CTNNA3: variants seen among roughly 807,000 people sequenced by gnomAD.
The protein encoded by CTNNA3 is catenin alpha 3.
In CTNNA3, 76 loss-of-function variants were observed where a neutral mutation model predicts 95.7. The ratio of observed to expected loss-of-function variants is 0.79; its 90% CI spans 0.66 to 0.96. The LOEUF (loss-of-function observed/expected upper bound fraction) is 0.96, where lower values mean the gene tolerates loss of function less well. Ranked by LOEUF, CTNNA3 falls within the 40% of genes least tolerant of loss-of-function variation. The probability of loss-of-function intolerance (pLI) is 0.00; values close to 1 mark genes in which losing one functional copy is unlikely to be tolerated. For synonymous variants in CTNNA3, 431 were observed against 374.4 expected (o/e 1.15, Z -1.74); for missense variants, 1,191 against 1,089.8 (o/e 1.09, Z -1.31).
chr10:66,597,507 C>CATACATAT (rs1323397077), intron 10 of CTNNA3, among the ~76,000 whole-genome samples: 1 of 79,616 alleles, frequency 1.3e-5, no homozygotes, highest in Non-Finnish European at 2.4e-5. Flanking sequence ...CATTTTATTT[C>CATACATAT]ATACATATAT....
intron 15 of CTNNA3, among the ~76,000 whole-genome samples, chr10:66,011,527 C>T (rs949958898): frequency 7.9e-5 from 12 of 152,010 alleles, no homozygotes; most frequent in African/African-American, 2.9e-4. Flanking sequence ...ACATATATTG[C>T]ATTTTTTATA....
chr10:66,605,470 A>C (rs892232690), intron 10 of CTNNA3, among the ~76,000 whole-genome samples: 3 of 152,098 alleles, frequency 2.0e-5, no homozygotes, highest in African/African-American at 7.2e-5. Flanking sequence ...CCCCAGTAAG[A>C]TACTTCACAA....
intron 13 of CTNNA3, among the ~76,000 whole-genome samples, chr10:66,140,771 A>T (rs1394823732): frequency 6.6e-6 from 1 of 152,240 alleles, no homozygotes; most frequent in Non-Finnish European, 1.5e-5. Context: ...ACAATTTGTT[A>T]TAACAGAAGT....
intron 11 of CTNNA3, among the ~76,000 whole-genome samples, chr10:66,392,646 A>G (rs1444471302): frequency 2.0e-5 from 3 of 152,126 alleles, no homozygotes; most frequent in African/African-American, 7.2e-5. Flanking sequence ...CATGGTCAAC[A>G]TTGTTTATCA....
At chr10:67,031,193 A>G (rs1035205297) in intron 7 of CTNNA3, among the ~76,000 whole-genome samples, 1 of 152,216 alleles carries the variant, frequency 6.6e-6, no homozygotes, top group African/African-American at 2.4e-5. Context: ...TCTGATTTAT[A>G]TAAATTGATA....
intron 3 of CTNNA3, among the ~76,000 whole-genome samples, chr10:67,544,049 G>T (rs12260460): frequency 0.036 from 5,490 of 152,216 alleles, 112 homozygotes; most frequent in South Asian, 0.1. Flanking sequence ...CAGGTGGAAG[G>T]GCAGCAAAGC....
chr10:66,329,076 G>A (rs1001802752), intron 12 of CTNNA3, among the ~76,000 whole-genome samples: 12 of 150,530 alleles, frequency 8.0e-5, no homozygotes, highest in Non-Finnish European at 4.4e-5. Flanking sequence ...TCAGCCTCTC[G>A]AGTAGCTGGG....
intron 5 of CTNNA3, among the ~76,000 whole-genome samples, chr10:67,263,608 T>C (rs371002083): frequency 1.1e-3 from 160 of 152,308 alleles, no homozygotes; most frequent in African/African-American, 3.5e-3. Flanking sequence ...CCAGCCTCCC[T>C]GCTTCATCTT....
chr10:67,133,306 GAT>G (rs56800232), intron 7 of CTNNA3, among the ~76,000 whole-genome samples: 2,202 of 97,594 alleles, frequency 0.023, 181 homozygotes, highest in African/African-American at 0.077. Flanking sequence ...CATATTGCCT[GAT>G]ATATATATAT....
intron 7 of CTNNA3, among the ~76,000 whole-genome samples, chr10:67,075,448 C>T (rs1394092293): frequency 6.6e-6 from 1 of 151,966 alleles, no homozygotes; most frequent in African/African-American, 2.4e-5. Context: ...GGTCTGGGCA[C>T]AAGTAGGACA....
chr10:67,513,005 A>T (rs1839689671), intron 5 of CTNNA3, among the ~76,000 whole-genome samples: 1 of 152,198 alleles, frequency 6.6e-6, no homozygotes, highest in South Asian at 2.1e-4. Flanking sequence ...ATAAATATTT[A>T]AAAATTTAAC....
chr10:66,974,215 T>C (rs766362499), intron 7 of CTNNA3, among the ~76,000 whole-genome samples: 2 of 152,176 alleles, frequency 1.3e-5, no homozygotes, highest in Non-Finnish European at 2.9e-5. Flanking sequence ...CTTGCTTTCT[T>C]TTGCTCATTA....
At chr10:67,140,498 TTAAAA>T (rs1860507299) in intron 7 of CTNNA3, among the ~76,000 whole-genome samples, 1 of 152,092 alleles carries the variant, frequency 6.6e-6, no homozygotes, top group Non-Finnish European at 1.5e-5. Flanking sequence ...TGACTGAAAT[TTAAAA>T]TAATTTTTTT....
intron 7 of CTNNA3, among the ~76,000 whole-genome samples, chr10:66,802,264 A>T (rs1841459805): frequency 6.6e-6 from 1 of 151,850 alleles, no homozygotes; most frequent in South Asian, 2.1e-4. Context: ...GCATGACACA[A>T]ATTGAGAAAT....
At chr10:67,464,864 G>GA (rs796084894) in intron 5 of CTNNA3, among the ~76,000 whole-genome samples, 13,091 of 135,418 alleles carry the variant, frequency 0.097, 1,289 homozygotes, top group East Asian at 0.35. Context: ...CTGTAGGTAA[G>GA]AAAAAAAAAA....
At chr10:67,050,622 C>T (rs1450320904) in intron 7 of CTNNA3, among the ~76,000 whole-genome samples, 4 of 152,124 alleles carry the variant, frequency 2.6e-5, no homozygotes, top group Non-Finnish European at 4.4e-5. Context: ...CTCTTTGGTA[C>T]GCTGAGGCTG....
At chr10:67,069,765 C>G (rs578175709) in intron 7 of CTNNA3, among the ~76,000 whole-genome samples, 2 of 152,236 alleles carry the variant, frequency 1.3e-5, no homozygotes, top group Admixed American at 1.3e-4. Flanking sequence ...TATTCATTCA[C>G]TCTCACAACT....
chr10:66,816,712 T>C (rs1424960074), intron 7 of CTNNA3, among the ~76,000 whole-genome samples: 2 of 152,074 alleles, frequency 1.3e-5, no homozygotes, highest in Non-Finnish European at 2.9e-5. Context: ...CATCTAAAAA[T>C]TGCAGATTGT....
intron 5 of CTNNA3, among the ~76,000 whole-genome samples, chr10:67,361,019 A>G (rs958271969): frequency 6.6e-6 from 1 of 152,170 alleles, no homozygotes; most frequent in Admixed American, 6.5e-5. Flanking sequence ...AGTAAAAAAA[A>G]AAAAGAACAA....
Sources: allele counts gnomAD v4.1 joint callset (sites outside exome capture counted in the v4.1 genomes callset), GRCh38; gene constraint gnomAD v4.1.1; transcripts MANE v1.5; gene names NCBI Gene and HGNC (gene_info 2026-07-23, HGNC 2026-07-21).